TRAPPC11: variants seen among roughly 807,000 people sequenced by gnomAD.
TRAPPC11 encodes the protein trafficking protein particle complex subunit 11, also known as foie gras homolog.
A neutral mutation model predicts 151.2 loss-of-function variants in TRAPPC11; 104 were observed. That is an observed-to-expected ratio of 0.69 (90% CI 0.59 to 0.81). TRAPPC11 has a LOEUF of 0.81. Among genes scored for constraint, TRAPPC11 ranks in the 30% least tolerant of loss-of-function variants. The pLI is 0.00. For missense variants in TRAPPC11, 1,230 were observed against 1,349.6 expected, an observed-to-expected ratio of 0.91 and a Z score of 1.39; for synonymous variants, 456 against 472.3, an observed-to-expected ratio of 0.97 and a Z score of 0.45.
intron 28 of TRAPPC11, among the ~76,000 whole-genome samples, chr4:183,707,499 G>A (rs1368712906): frequency 6.6e-6 from 1 of 152,058 alleles, no homozygotes; most frequent in Admixed American, 6.6e-5. Context: ...AAATACCCAG[G>A]CAAAACCATG....
At position 183,667,272 on chromosome 4, in the gene TRAPPC11, A is replaced by G. The variant is rs1421217387; in HGVS notation, c.445+142A>G. The G allele has an allele frequency of 1.7e-5, 10 of 589,572 alleles. No individual in the cohort carries two copies. In the East Asian group the frequency reaches 2.2e-4, roughly 13 times the overall value. 36.5% of individuals were successfully genotyped at this position (589,572 alleles called of 1,614,324 possible). ...ATGTTAACTTTAAAAAGCACCAATG[A>G]TACATGAACAAATGCTTATTGTAAA... On this transcript the variant is annotated intron_variant, in intron 4 of 29. Coordinates refer to ENST00000334690, the MANE Select transcript of TRAPPC11 (RefSeq NM_021942.6).
chr4:183,683,627 C>G (rs1182098272), intron 11 of TRAPPC11, among the ~76,000 whole-genome samples: 1 of 152,016 alleles, frequency 6.6e-6, no homozygotes, highest in East Asian at 1.9e-4. Context: ...TACCGCTGCA[C>G]TCCAGCCTGG....
At chr4:183,674,987 G>A in intron 6 of TRAPPC11, 175 bp downstream of exon 6, 1 of 567,130 alleles carries the variant, frequency 1.8e-6, no homozygotes, top group Non-Finnish European at 2.9e-6. Context: ...TGCTTTTAAA[G>A]TTCTTAAAGG....
At chr4:183,701,897 G>A in intron 26 of TRAPPC11, 89 bp downstream of exon 26, 2 of 918,560 alleles carry the variant, frequency 2.2e-6, no homozygotes, top group Non-Finnish European at 3.5e-6. Flanking sequence ...ATATTTGAGA[G>A]TTTCTGTCAT....
At chr4:183,706,555 A>G (rs1737083014) in intron 27 of TRAPPC11, among the ~76,000 whole-genome samples, 1 of 152,084 alleles carries the variant, frequency 6.6e-6, no homozygotes, top group African/African-American at 2.4e-5. Context: ...TCCTTAAAAT[A>G]TAATTCAGTT....
At chr4:183,699,576 G>A (rs1736702613) in intron 25 of TRAPPC11, among the ~76,000 whole-genome samples, 1 of 152,166 alleles carries the variant, frequency 6.6e-6, no homozygotes, top group South Asian at 2.1e-4. Flanking sequence ...TCTTACTGCT[G>A]CTGTAACAAA....
chr4:183,682,027 G>A (rs1010225855), intron 10 of TRAPPC11, among the ~76,000 whole-genome samples: 2 of 152,114 alleles, frequency 1.3e-5, no homozygotes, highest in African/African-American at 4.8e-5. Flanking sequence ...GAAAAATAAT[G>A]TTTTAGAAGA....
chr4:183,687,050 A>G (rs910202437), intron 18 of TRAPPC11, among the ~76,000 whole-genome samples: 3 of 152,026 alleles, frequency 2.0e-5, no homozygotes, highest in Admixed American at 6.6e-5. Flanking sequence ...GTGTGGTGGC[A>G]CGTGCCTGTA....
Position 183,679,360 on chromosome 4 carries a change from G to A in TRAPPC11, c.839G>A (p.Arg280Lys), listed in dbSNP as rs1488725849. 1 of 1,604,290 alleles carries A rather than the reference G, an allele frequency of 6.2e-7. No individual in the cohort carries two copies. The highest frequency in any genetic ancestry group is 2.3e-5 in the East Asian group (1 of 44,438). The change falls in exon 9 of 30, where the codon AGG (arginine) becomes AAG (lysine). Residue 280 changes from arginine to lysine, a missense_variant. Arg to Lys is a conservative substitution (Grantham distance 26). Transcript: ENST00000334690. ...MAGFINYKIC[R>K]LCFQHNTPLD... ...CAATTTTACATTTTGCAGATCTGTA[G>A]GCTGTGTTTTCAACACAACACCCCA...
At chr4:183,707,324 T>C (rs1737126147) in intron 28 of TRAPPC11, among the ~76,000 whole-genome samples, 1 of 151,954 alleles carries the variant, frequency 6.6e-6, no homozygotes, top group South Asian at 2.1e-4. Flanking sequence ...CAGCCCATTT[T>C]TCTATCAGTG....
At chr4:183,700,477 C>T (rs943068430) in intron 25 of TRAPPC11, among the ~76,000 whole-genome samples, 2 of 152,102 alleles carry the variant, frequency 1.3e-5, no homozygotes, top group South Asian at 2.1e-4. Context: ...CTAAAATTGC[C>T]GTTAAATATG....
chr4:183,679,365 T>C lies in TRAPPC11; in HGVS notation c.844T>C (p.Cys282Arg), dbSNP rs1270946634. The change falls in exon 9 of 30, where the codon TGT (cysteine) becomes CGT (arginine). Residue 282 changes from cysteine to arginine, a missense_variant. Coordinates refer to ENST00000334690, the MANE Select transcript of TRAPPC11 (RefSeq NM_021942.6). ...TTACATTTTGCAGATCTGTAGGCTG[T>C]GTTTTCAACACAACACCCCATTGGA... ...GFINYKICRL[C>R]FQHNTPLDAI... is the part of the protein sequence containing the mutation. 6.2e-7 allele frequency: 1 copy of C among 1,608,296 alleles called. No individual in the cohort carries two copies. Among genetic ancestry groups the C allele is most frequent in the South Asian group, 1.1e-5 (1 of 89,670 alleles).
intron 20 of TRAPPC11, 90 bp from the exon 21 acceptor site, chr4:183,693,499 C>A (rs778644028): frequency 3.6e-5 from 50 of 1,406,486 alleles, no homozygotes; most frequent in Non-Finnish European, 4.7e-5. Flanking sequence ...AGCCTCTGCA[C>A]CCAGCCTCTT....
chr4:183,705,596 C>T (rs187317794), intron 27 of TRAPPC11, among the ~76,000 whole-genome samples: 1 of 152,274 alleles, frequency 6.6e-6, no homozygotes, highest in Non-Finnish European at 1.5e-5. Context: ...CTTTCTCTAC[C>T]ACTTTGTCCA....
rs142772355 is a variant in TRAPPC11, at chr4:183,679,827, G to C, written c.966-293G>C. Among the ~76,000 whole-genome samples, 54 of 152,222 alleles carry C rather than the reference G, an allele frequency of 3.5e-4. 2 individuals carry two copies. In the East Asian group the frequency reaches 9.1e-3, roughly 26 times the overall value. The stretch of plus-strand genomic sequence containing the variant: ...GTTTAAAAATTGCTAAAATGAAATT[G>C]TTCCCAGAAACTTGGGTGTATTTAT... On this transcript the variant is annotated intron_variant, in intron 9 of 29. Transcript: ENST00000334690.
At chr4:183,662,469 G>T (rs988814369) in intron 1 of TRAPPC11, among the ~76,000 whole-genome samples, 1 of 151,414 alleles carries the variant, frequency 6.6e-6, no homozygotes, top group African/African-American at 2.4e-5. Flanking sequence ...TACTTATAAA[G>T]TCAGGGCATA....
chr4:183,665,765 G>C (rs930887254), intron 2 of TRAPPC11, among the ~76,000 whole-genome samples: 14 of 152,166 alleles, frequency 9.2e-5, no homozygotes, highest in African/African-American at 3.1e-4. Flanking sequence ...ATTGTTCTCT[G>C]CTTTGTACTT....
chr4:183,662,517 C>A (rs1189810084), intron 1 of TRAPPC11, among the ~76,000 whole-genome samples: 2 of 152,038 alleles, frequency 1.3e-5, no homozygotes, highest in African/African-American at 2.4e-5. Flanking sequence ...AGCTAAAGGA[C>A]GCAGTGGAAA....
At chr4:183,671,029 C>T (rs1467492374) in intron 5 of TRAPPC11, among the ~76,000 whole-genome samples, 1 of 152,104 alleles carries the variant, frequency 6.6e-6, no homozygotes, top group Admixed American at 6.6e-5. Context: ...CATGCCTGGC[C>T]TAATATTTGT....
Sources: allele counts gnomAD v4.1 joint callset (sites outside exome capture counted in the v4.1 genomes callset), GRCh38; gene constraint gnomAD v4.1.1; transcripts MANE v1.5; gene names NCBI Gene and HGNC (gene_info 2026-07-23, HGNC 2026-07-21).